The following PRKAG2 variants were observed in gnomAD, a reference collection of about 807,000 sequenced individuals.
PRKAG2 encodes 5'-AMP-activated protein kinase subunit gamma-2.
PRKAG2 carries 26 observed loss-of-function variants against 69.6 expected under a neutral mutation model. That is an observed-to-expected ratio of 0.37 (90% CI 0.27 to 0.52). The LOEUF is 0.52. Ranked by LOEUF, PRKAG2 falls within the 20% of genes least tolerant of loss-of-function variation. The probability of loss-of-function intolerance (pLI) is 0.90; values close to 1 mark genes in which losing one functional copy is unlikely to be tolerated. For synonymous variants in PRKAG2, 293 were observed against 285.0 expected (o/e 1.03, Z -0.28); for missense variants, 557 against 740.0 (o/e 0.75, Z 2.87).
intron 3 of PRKAG2, among the ~76,000 whole-genome samples, chr7:151,769,138 A>G (rs1489446505): frequency 6.6e-6 from 1 of 152,234 alleles, no homozygotes; most frequent in African/African-American, 2.4e-5. Context: ...ACAAGAAGAA[A>G]CTAACCCAGG....
chr7:151,765,215 G>C (rs2075668497), intron 3 of PRKAG2, among the ~76,000 whole-genome samples: 1 of 152,184 alleles, frequency 6.6e-6, no homozygotes, highest in Non-Finnish European at 1.5e-5. Flanking sequence ...GCATGGCTGG[G>C]GAGGCCTCAG....
At chr7:151,600,858 A>C (rs547653195) in intron 5 of PRKAG2, among the ~76,000 whole-genome samples, 1 of 152,360 alleles carries the variant, frequency 6.6e-6, no homozygotes, top group African/African-American at 2.4e-5. Flanking sequence ...ATTACGGACC[A>C]GGTACTGCAA....
At chr7:151,625,177 G>A (rs1822545034) in intron 5 of PRKAG2, among the ~76,000 whole-genome samples, 1 of 152,192 alleles carries the variant, frequency 6.6e-6, no homozygotes, top group Admixed American at 6.5e-5. Flanking sequence ...AGCATGGGAA[G>A]TCTTCATCGG....
Position 151,860,128 on chromosome 7 carries a change from G to A in PRKAG2, c.114+16379C>T, listed in dbSNP as rs559395348. On this transcript the variant is annotated intron_variant, in intron 1 of 15. Transcript: ENST00000287878. ...ACTAACAGGGCTCCATCTGCCTATC[G>A]GATGCTTTCATCCACCTTCCATTAA... is the stretch of plus-strand genomic sequence containing the variant. 1.3e-3 allele frequency among the ~76,000 whole-genome samples: 194 copies of A among 152,276 alleles called. 6 individuals are homozygous for A. The South Asian group carries it at 0.034, about 27-fold the overall frequency.
At chr7:151,608,051 C>T (rs567728270) in intron 5 of PRKAG2, among the ~76,000 whole-genome samples, 2 of 152,202 alleles carry the variant, frequency 1.3e-5, no homozygotes, top group African/African-American at 2.4e-5. Context: ...CAGCGCGGCA[C>T]GGAGGGGAGG....
At position 151,836,980 on chromosome 7, in the gene PRKAG2, G is replaced by A. The variant is rs1439404610; in HGVS notation, c.114+39527C>T. Among the ~76,000 whole-genome samples the A allele has an allele frequency of 6.6e-6, 1 of 151,812 alleles. No homozygotes were observed. The highest frequency in any genetic ancestry group is 2.4e-5 in the African/African-American group (1 of 41,314). ...TGCCAGACTGCCAATGTTTATTTGA[G>A]GCTATTTGTTTAAATTCAACTTGAA... On this transcript the variant is annotated intron_variant, in intron 1 of 15. Transcript: ENST00000287878. The surrounding 1 kb of genome is among the most constrained non-coding windows in gnomAD (Gnocchi z 4.1).
At chr7:151,845,209 G>A (rs958142492) in intron 1 of PRKAG2, among the ~76,000 whole-genome samples, 1 of 151,868 alleles carries the variant, frequency 6.6e-6, no homozygotes, top group African/African-American at 2.4e-5. Context: ...TCTTCTCCTC[G>A]TCTGTGGCCT....
At chr7:151,794,546 G>A (rs1404427128) in intron 1 of PRKAG2, among the ~76,000 whole-genome samples, 2 of 152,270 alleles carry the variant, frequency 1.3e-5, no homozygotes, top group Non-Finnish European at 2.9e-5. Context: ...GCACACTGGG[G>A]CCTGATGATG....
intron 5 of PRKAG2, among the ~76,000 whole-genome samples, chr7:151,598,856 A>T (rs574669275): frequency 2.0e-5 from 3 of 147,360 alleles, no homozygotes; most frequent in African/African-American, 7.4e-5. Context: ...TTTTTTATGT[A>T]TTTTTTTTTT....
intron 5 of PRKAG2, among the ~76,000 whole-genome samples, chr7:151,598,838 C>A (rs1447007135): frequency 1.3e-5 from 2 of 150,436 alleles, no homozygotes; most frequent in African/African-American, 2.5e-5. Flanking sequence ...AGCTAATTGA[C>A]AATTTATTTT....
Position 151,836,882 on chromosome 7 carries a change from G to C in PRKAG2, c.114+39625C>G, listed in dbSNP as rs2079158800. ...TGGATCATCCACAACAGCGGAAGCA[G>C]AACAGAGTGAGCACTCCAGACGCGA... On this transcript the variant is annotated intron_variant, in intron 1 of 15. Coordinates refer to ENST00000287878, the MANE Select transcript of PRKAG2 (RefSeq NM_016203.4). This position sits in a 1 kb window ranked among gnomAD's most constrained non-coding sequence, Gnocchi z 4.1. Among the ~76,000 whole-genome samples, 2 of 152,220 alleles carry C rather than the reference G, an allele frequency of 1.3e-5. No homozygotes were observed. Among genetic ancestry groups the C allele is most frequent in the Admixed American group, 1.3e-4 (2 of 15,288 alleles).
At chr7:151,767,137 C>T (rs966862600) in intron 3 of PRKAG2, among the ~76,000 whole-genome samples, 8 of 152,166 alleles carry the variant, frequency 5.3e-5, no homozygotes, top group African/African-American at 1.4e-4. Context: ...AGACTGGGGG[C>T]TGTGCTTCCA....
At position 151,832,555 on chromosome 7, in the gene PRKAG2, C is replaced by A. The variant is rs562678734; in HGVS notation, c.114+43952G>T. Among the ~76,000 whole-genome samples, 331 of 151,124 alleles carry A rather than the reference C, an allele frequency of 2.2e-3. 1 individual carries two copies. Among genetic ancestry groups the A allele is most frequent in the Non-Finnish European group, 3.3e-3 (224 of 67,752 alleles). ...AGGAAGGAGCCTAGGGGTTCTCCCC[C>A]CTTCCCCTGGGGCTGGTCTGCTGGG... On this transcript the variant is annotated intron_variant, in intron 1 of 15. Transcript: ENST00000287878.
chr7:151,570,348 G>T, intron 9 of PRKAG2, 123 bp from the exon 10 acceptor site: 5 of 1,139,502 alleles, frequency 4.4e-6, no homozygotes, highest in East Asian at 2.5e-5. Context: ...CAAATAAAAA[G>T]AAATTTAATT....
At chr7:151,875,457 C>T (rs923467280) in intron 1 of PRKAG2, among the ~76,000 whole-genome samples, 1 of 152,192 alleles carries the variant, frequency 6.6e-6, no homozygotes, top group Admixed American at 6.5e-5. Flanking sequence ...TGCGCCTGAC[C>T]CTGTCGGGAA....
intron 1 of PRKAG2, among the ~76,000 whole-genome samples, chr7:151,820,076 G>A (rs543707551): frequency 1.3e-5 from 2 of 152,344 alleles, no homozygotes; most frequent in South Asian, 2.1e-4. Context: ...CTGGAAAACC[G>A]GCTGAGACTT....
In PRKAG2 at chr7:151,756,072, C is replaced by G. The variant is rs2075064483; in HGVS notation, c.466+25080G>C. Among the ~76,000 whole-genome samples the G allele has an allele frequency of 1.3e-5, 2 of 152,174 alleles. No homozygotes were observed. Among genetic ancestry groups the G allele is most frequent in the Non-Finnish European group, 2.9e-5 (2 of 68,012 alleles). On this transcript the variant is annotated intron_variant, in intron 3 of 15. Coordinates refer to ENST00000287878, the MANE Select transcript of PRKAG2 (RefSeq NM_016203.4). This position sits in a 1 kb window ranked among gnomAD's most constrained non-coding sequence, Gnocchi z 4.9. Reference sequence around the variant, plus strand: ...TCTCCCATCCCCCATTGGTCTCCTCCTCTTCTCAGGCCTCTCCCCCTGGAC... The same window carrying G: ...TCTCCCATCCCCCATTGGTCTCCTCGTCTTCTCAGGCCTCTCCCCCTGGAC...
chr7:151,839,598 A>G (rs921410703), intron 1 of PRKAG2, among the ~76,000 whole-genome samples: 10 of 152,200 alleles, frequency 6.6e-5, no homozygotes, highest in African/African-American at 2.4e-4. Context: ...TGCTTCACCC[A>G]CGAGAATTCC....
intron 1 of PRKAG2, among the ~76,000 whole-genome samples, chr7:151,822,581 A>C (rs980849051): frequency 2.6e-5 from 4 of 152,140 alleles, no homozygotes; most frequent in Non-Finnish European, 5.9e-5. Context: ...CCAGGAGGCG[A>C]GGGGAAGGCT....
Sources: allele counts gnomAD v4.1 joint callset (sites outside exome capture counted in the v4.1 genomes callset), GRCh38; gene constraint gnomAD v4.1.1; non-coding constraint Gnocchi (gnomAD v3.1); transcripts MANE v1.5; gene names NCBI Gene and HGNC (gene_info 2026-07-23, HGNC 2026-07-21).